LRIG2: variants seen among roughly 807,000 people sequenced by gnomAD.
LRIG2 encodes the protein leucine-rich repeats and immunoglobulin-like domains protein 2.
In LRIG2, 93 loss-of-function variants were observed where a neutral mutation model predicts 107.8. The ratio of observed to expected loss-of-function variants is 0.86; its 90% CI spans 0.73 to 1.03. LRIG2 has a LOEUF of 1.03. LRIG2 is among the 50% of genes least tolerant of loss of function. The probability of loss-of-function intolerance (pLI) is 0.00; values close to 1 mark genes in which losing one functional copy is unlikely to be tolerated. For missense variants in LRIG2, 1,226 were observed against 1,296.0 expected, an observed-to-expected ratio of 0.95 and a Z score of 0.83; for synonymous variants, 471 against 470.6, an observed-to-expected ratio of 1.00 and a Z score of -0.01.
At position 113,073,274 on chromosome 1, in the gene LRIG2, C is replaced by CT; in HGVS notation, c.-130dup. 1 of 767,214 alleles carries CT rather than the reference C, an allele frequency of 1.3e-6. No individual in the cohort carries two copies. The highest frequency in any genetic ancestry group is 2.5e-5 in the East Asian group (1 of 40,770). The allele number at this position is 767,214 out of a possible 1,614,324, so 47.5% of individuals were successfully genotyped here. Reference sequence around the variant, plus strand: ...CGCGCTGCGTCTGCTCCTTGCATGCCTTTAGATGGTACAGCCTTCAGCCGG... The same window carrying CT: ...CGCGCTGCGTCTGCTCCTTGCATGCCTTTTAGATGGTACAGCCTTCAGCCGG... On this transcript the variant is annotated 5_prime_UTR_variant, in exon 1 of 18. The change creates a premature stop within an existing upstream ORF in the 5' untranslated region. Coordinates refer to ENST00000361127, the MANE Select transcript of LRIG2 (RefSeq NM_014813.3).
intron 12 of LRIG2, among the ~76,000 whole-genome samples, chr1:113,109,247 T>C (rs1270113322): frequency 6.6e-6 from 1 of 152,212 alleles, no homozygotes; most frequent in African/African-American, 2.4e-5. Context: ...TGAAATGTTA[T>C]CCAGTGGAGA....
intron 1 of LRIG2, among the ~76,000 whole-genome samples, chr1:113,090,154 A>AAT (rs1222871776): frequency 6.6e-6 from 1 of 152,214 alleles, no homozygotes; most frequent in Non-Finnish European, 1.5e-5. Context: ...AAACTCTTTA[A>AAT]ATACTGCAAT....
chr1:113,104,423 G>A (rs578014305), intron 11 of LRIG2, among the ~76,000 whole-genome samples: 1 of 152,188 alleles, frequency 6.6e-6, no homozygotes, highest in African/African-American at 2.4e-5. Context: ...AATAGCCTAA[G>A]TATTTTATCT....
intron 1 of LRIG2, among the ~76,000 whole-genome samples, chr1:113,089,536 TGTG>T (rs1653697889): frequency 6.6e-6 from 1 of 152,184 alleles, no homozygotes; most frequent in Admixed American, 6.5e-5. Context: ...ATAAGATTGT[TGTG>T]TGGATTTAGC....
intron 13 of LRIG2, among the ~76,000 whole-genome samples, chr1:113,111,278 C>T (rs2101056049): frequency 6.6e-6 from 1 of 152,312 alleles, no homozygotes; most frequent in East Asian, 1.9e-4. Flanking sequence ...GCAAGTGATC[C>T]GCCTGCCTTG....
At position 113,094,320 on chromosome 1, in the gene LRIG2, A is replaced by G. The variant is rs779835274; in HGVS notation, c.516-19A>G. ...ATTTTACTAAATTTTTTCTTTTGCTATTATCTTGTTTATTTTAGGAATTTA... is the reference window on the plus strand; with the variant it reads ...ATTTTACTAAATTTTTTCTTTTGCTGTTATCTTGTTTATTTTAGGAATTTA... On this transcript the variant is annotated intron_variant, in intron 4 of 17. Transcript: ENST00000361127. 20 of 1,577,484 alleles carry G rather than the reference A, an allele frequency of 1.3e-5. No individual in the cohort carries two copies. The highest frequency in any genetic ancestry group is 1.6e-5 in the Non-Finnish European group (19 of 1,166,096).
chr1:113,118,937 T>C (rs1655127969), intron 16 of LRIG2, among the ~76,000 whole-genome samples: 1 of 152,226 alleles, frequency 6.6e-6, no homozygotes, highest in Non-Finnish European at 1.5e-5. Flanking sequence ...GTGCTGGGAT[T>C]ACAGGCGTGA....
At chr1:113,109,719 G>A (rs555189487) in intron 12 of LRIG2, among the ~76,000 whole-genome samples, 14 of 152,150 alleles carry the variant, frequency 9.2e-5, no homozygotes, top group South Asian at 2.1e-4. Flanking sequence ...GGGTTTCGCC[G>A]TGTTGGTCAG....
intron 16 of LRIG2, among the ~76,000 whole-genome samples, chr1:113,118,523 A>C (rs1655110594): frequency 6.6e-6 from 1 of 152,174 alleles, no homozygotes; most frequent in Non-Finnish European, 1.5e-5. Flanking sequence ...GTCTTGTAGC[A>C]CAGTACCAGC....
chr1:113,117,174 T>C (rs1570772061), intron 16 of LRIG2, among the ~76,000 whole-genome samples: 2 of 152,338 alleles, frequency 1.3e-5, no homozygotes, highest in East Asian at 3.9e-4. Flanking sequence ...CAGAACTGAA[T>C]GAATTAAGGG....
intron 1 of LRIG2, among the ~76,000 whole-genome samples, chr1:113,088,469 G>C (rs533223753): frequency 6.6e-6 from 1 of 152,048 alleles, no homozygotes; most frequent in Non-Finnish European, 1.5e-5. Flanking sequence ...TGATTATGTG[G>C]GTCAATGATT....
Position 113,073,554 on chromosome 1 carries a change from C to G in LRIG2, c.148C>G (p.Arg50Gly), listed in dbSNP as rs762826711. Residue 50 changes from arginine (R) to glycine (G), a missense_variant, in exon 1 of 18, where the codon CGC (arginine) becomes GGC (glycine). Around this residue, in one of 3 missense-constraint regions of LRIG2, gnomAD observed 570 missense variants for 550.2 expected, o/e 1.04. Coordinates refer to ENST00000361127, the MANE Select transcript of LRIG2 (RefSeq NM_014813.3). ...TCTCTGCCCCGCGCCCTGCTCCTGC[C>G]GCATTCCTCTCCTGGACTGCAGTCG... ...AGLCPAPCSC[R>G]IPLLDCSRRK... 9 of 1,614,140 alleles carry G rather than the reference C, an allele frequency of 5.6e-6. No homozygotes were observed. The highest frequency in any genetic ancestry group is 6.8e-6 in the Non-Finnish European group (8 of 1,180,026).
chr1:113,110,420 G>A lies in LRIG2; in HGVS notation c.1656G>A (p.Trp552Ter), dbSNP rs749069762. The change falls in exon 13 of 18, where the codon TGG (tryptophan) becomes TGA (stop). Residue 552 changes from tryptophan (W) to a stop codon, truncating the protein, a stop_gained. Coordinates refer to ENST00000361127, the MANE Select transcript of LRIG2 (RefSeq NM_014813.3). LOFTEE classifies it high-confidence loss of function. ...DVDTENFVRY[W>*]QQAGEALEYT... ...ATACTGAGAATTTTGTTCGTTATTGGCAGCAAGCTGGAGAAGCTCTGGAAT... is the reference window on the plus strand; with the variant it reads ...ATACTGAGAATTTTGTTCGTTATTGACAGCAAGCTGGAGAAGCTCTGGAAT... The A allele has an allele frequency of 4.3e-6, 7 of 1,614,160 alleles. No homozygotes were observed. Among genetic ancestry groups the A allele is most frequent in the Non-Finnish European group, 5.9e-6 (7 of 1,180,030 alleles).
At position 113,110,225 on chromosome 1, in the gene LRIG2, C is replaced by T. The variant is rs1229064238; in HGVS notation, c.1478-17C>T. The T allele has an allele frequency of 6.5e-7, 1 of 1,536,704 alleles. No individual in the cohort carries two copies. The highest frequency in any genetic ancestry group is 8.8e-7 in the Non-Finnish European group (1 of 1,134,328). Reference sequence around the variant, plus strand: ...TAAATAACTGACTTGGCTACGGATGCATTTTTTTCCCCTTAGATGATTTTC... The same window carrying T: ...TAAATAACTGACTTGGCTACGGATGTATTTTTTTCCCCTTAGATGATTTTC... On this transcript the variant is annotated splice_polypyrimidine_tract_variant and intron_variant, in intron 12 of 17. Transcript: ENST00000361127.
intron 1 of LRIG2, among the ~76,000 whole-genome samples, chr1:113,074,949 G>T (rs1306424619): frequency 6.6e-6 from 1 of 151,672 alleles, no homozygotes; most frequent in East Asian, 1.9e-4. Context: ...CGGGTGCGGT[G>T]GCTCACGCTT....
intron 11 of LRIG2, among the ~76,000 whole-genome samples, chr1:113,100,943 T>A (rs1000827168): frequency 1.3e-5 from 2 of 152,238 alleles, no homozygotes; most frequent in African/African-American, 4.8e-5. Context: ...AATGTCAAAA[T>A]AGACAAGTGT....
chr1:113,114,789 T>A lies in LRIG2; in HGVS notation c.2443T>A (p.Cys815Ser). 1 of 1,614,228 alleles carries A rather than the reference T, an allele frequency of 6.2e-7. No homozygotes were observed. The highest frequency in any genetic ancestry group is 8.5e-7 in the Non-Finnish European group (1 of 1,180,038). The change falls in exon 15 of 18, where the codon TGC becomes AGC. Residue 815 changes from cysteine to serine, a missense_variant. Around this residue, in one of 3 missense-constraint regions of LRIG2, gnomAD observed 642 missense variants for 712.2 expected, o/e 0.90. Transcript: ENST00000361127. Reference sequence around the variant, plus strand: ...TGGCATTGTCATCATTGTTGTGGTCTGCTGTGTTGTTGGCACTTCTTTGAT... The same window carrying A: ...TGGCATTGTCATCATTGTTGTGGTCAGCTGTGTTGTTGGCACTTCTTTGAT... ...TVGIVIIVVV[C>S]CVVGTSLIWV...
rs1477479165 is a variant in LRIG2, at chr1:113,099,254, T to TTTTTTTTTTC, written c.1172+470_1172+471insTTTTTTTTCT. ...TTGGCTGGTTTTTTTCTTTTTTTTT[T>TTTTTTTTTTC]TGAGACAGGGTCTTGCTCTGTCACC... On this transcript the variant is annotated intron_variant, in intron 9 of 17. Transcript: ENST00000361127. 8.9e-4 allele frequency among the ~76,000 whole-genome samples: 132 copies of TTTTTTTTTTC among 148,924 alleles called. 5 individuals carry two copies. In the South Asian group the frequency reaches 0.028, roughly 32 times the overall value.
At chr1:113,098,857 T>C in intron 9 of LRIG2, 72 bp downstream of exon 9, 1 of 898,958 alleles carries the variant, frequency 1.1e-6, no homozygotes, top group Non-Finnish European at 1.8e-6. Flanking sequence ...ATGATTGAAT[T>C]ATGTTTATTT....
Sources: allele counts gnomAD v4.1 joint callset (sites outside exome capture counted in the v4.1 genomes callset), GRCh38; gene constraint gnomAD v4.1.1; regional missense constraint gnomAD v4.1.1; transcripts MANE v1.5; gene names NCBI Gene and HGNC (gene_info 2026-07-23, HGNC 2026-07-21).